HCRTR2: variants seen among roughly 807,000 people sequenced by gnomAD.
HCRTR2 encodes the protein hypocretin receptor 2, also known as orexin receptor type 2.
HCRTR2 carries 22 observed loss-of-function variants against 49.0 expected under a neutral mutation model. The observed-to-expected ratio is 0.45, with a 90% CI of 0.32 to 0.64. The LOEUF (loss-of-function observed/expected upper bound fraction) is 0.64, where lower values mean the gene tolerates loss of function less well. Ranked by LOEUF, HCRTR2 falls within the 30% of genes least tolerant of loss-of-function variation. HCRTR2 has a pLI of 0.04. For missense variants in HCRTR2, 491 were observed against 559.4 expected (o/e 0.88, Z 1.23); for synonymous variants, 236 against 205.3 (o/e 1.15, Z -1.28).
intron 1 of HCRTR2, among the ~76,000 whole-genome samples, chr6:55,151,133 C>T (rs958055401): frequency 6.6e-6 from 1 of 151,966 alleles, no homozygotes; most frequent in African/African-American, 2.4e-5. Context: ...TTGATGGTTG[C>T]TGACTTATGA....
At chr6:55,248,546 A>G (rs1025942621) in intron 1 of HCRTR2, 93 bp from the exon 2 acceptor site, 4 of 1,038,956 alleles carry the variant, frequency 3.9e-6, no homozygotes, top group Non-Finnish European at 6.0e-6. Flanking sequence ...TTTTAAATAC[A>G]TATTTGTGGA....
At chr6:55,172,734 TA>T (rs1694913986), upstream of HCRTR2, among the ~76,000 whole-genome samples, 1 of 151,468 alleles carries the variant, frequency 6.6e-6, no homozygotes, top group Admixed American at 6.6e-5. Context: ...AGGGGGTTAG[TA>T]ATAGCTAAGC....
intron 1 of HCRTR2, among the ~76,000 whole-genome samples, chr6:55,241,975 T>G (rs959284461): frequency 1.3e-5 from 2 of 150,376 alleles, no homozygotes; most frequent in Admixed American, 6.7e-5. Context: ...TTCAAGCGAT[T>G]CTCCTGCCTC....
downstream of HCRTR2, chr6:55,282,710 A>ATG (rs74278635): frequency 0.82 from 370,514 of 449,390 alleles, 154,126 homozygotes; most frequent in Middle Eastern, 0.92. Context: ...ATGTATTAAA[A>ATG]TGTGTCAATT....
intron 4 of HCRTR2, among the ~76,000 whole-genome samples, chr6:55,272,422 A>G (rs1312295867): frequency 6.6e-6 from 1 of 152,108 alleles, no homozygotes; most frequent in East Asian, 1.9e-4. Flanking sequence ...AATGTTCTAG[A>G]TTAGTTAGTG....
intron 1 of HCRTR2, among the ~76,000 whole-genome samples, chr6:55,243,438 G>A (rs1766371819): frequency 1.3e-5 from 2 of 152,126 alleles, no homozygotes; most frequent in South Asian, 4.2e-4. Flanking sequence ...ATGGCGAATT[G>A]AGAACCATAG....
At chr6:55,123,438 G>A (rs144490302) in intron 1 of HCRTR2, among the ~76,000 whole-genome samples, 117 of 152,128 alleles carry the variant, frequency 7.7e-4, no homozygotes, top group African/African-American at 2.6e-3. Context: ...TTACTGATTC[G>A]CTTATGTTGA....
intron 1 of HCRTR2, among the ~76,000 whole-genome samples, chr6:55,241,297 C>G (rs1207637378): frequency 6.6e-6 from 1 of 151,888 alleles, no homozygotes; most frequent in East Asian, 1.9e-4. Context: ...CTAGAAAATC[C>G]AACTTCAAAT....
chr6:55,164,010 A>G (rs556178319), intron 1 of HCRTR2, among the ~76,000 whole-genome samples: 21 of 152,326 alleles, frequency 1.4e-4, no homozygotes, highest in African/African-American at 5.1e-4. Context: ...GTGGCCAAGA[A>G]ACATACAAAA....
At chr6:55,167,091 T>G (rs1011567215) in intron 1 of HCRTR2, among the ~76,000 whole-genome samples, 10 of 152,146 alleles carry the variant, frequency 6.6e-5, no homozygotes, top group African/African-American at 2.4e-4. Context: ...CACAACATTG[T>G]GAATATACTA....
At chr6:55,262,452 ATTAT>A (rs1766779429) in intron 3 of HCRTR2, among the ~76,000 whole-genome samples, 1 of 131,396 alleles carries the variant, frequency 7.6e-6, no homozygotes, top group African/African-American at 2.9e-5. Context: ...ATTAATATAT[ATTAT>A]TTATATTATA....
At position 55,121,667 on chromosome 6, in the gene HCRTR2, T is replaced by C. The variant is rs141159649; in HGVS notation, c.-378+15122T>C. Among the ~76,000 whole-genome samples the C allele has an allele frequency of 5.8e-3, 881 of 152,280 alleles. 13 individuals carry two copies. Among genetic ancestry groups the C allele is most frequent in the African/African-American group, 0.021 (853 of 41,566 alleles). On this transcript the variant is annotated intron_variant, in intron 1 of 7. Coordinates refer to the HCRTR2 transcript ENST00000615358. ...CCTAACTTATTGAGAATTTTTAGCA[T>C]GAAAGGCTGTTGAATTTTGTCAAAG...
upstream of HCRTR2, among the ~76,000 whole-genome samples, chr6:55,173,251 G>A (rs1252719254): frequency 6.6e-6 from 1 of 152,140 alleles, no homozygotes; most frequent in Non-Finnish European, 1.5e-5. Flanking sequence ...TTGGTTTAAT[G>A]TAAGAAACAG....
rs75420498 is a variant in HCRTR2, at chr6:55,260,772, A to T, written c.647-2935A>T. 9.4e-3 allele frequency among the ~76,000 whole-genome samples: 1,435 copies of T among 152,310 alleles called. 26 individuals carry two copies. Among genetic ancestry groups the T allele is most frequent in the African/African-American group, 0.033 (1,353 of 41,566 alleles). On this transcript the variant is annotated intron_variant, in intron 3 of 6. Transcript: ENST00000370862. ...ATTAAACTCATAAATATGTTAAAAT[A>T]TATCCAGCAAGAATCAAATGCATGA...
intron 1 of HCRTR2, among the ~76,000 whole-genome samples, chr6:55,225,133 T>C (rs1009256179): frequency 1.3e-5 from 2 of 152,178 alleles, no homozygotes; most frequent in African/African-American, 4.8e-5. Flanking sequence ...CAATTTTTAT[T>C]TGTCAACTTA....
At chr6:55,117,199 A>G (rs1004463469) in intron 1 of HCRTR2, among the ~76,000 whole-genome samples, 1 of 151,878 alleles carries the variant, frequency 6.6e-6, no homozygotes, top group Non-Finnish European at 1.5e-5. Flanking sequence ...TGTGAGCAAT[A>G]CTTGAGTACA....
At chr6:55,116,718 A>G (rs1406573124) in intron 1 of HCRTR2, among the ~76,000 whole-genome samples, 1 of 150,694 alleles carries the variant, frequency 6.6e-6, no homozygotes, top group African/African-American at 2.4e-5. Context: ...AGAGAGAGAA[A>G]AAAAAAAAAA....
intron 1 of HCRTR2, among the ~76,000 whole-genome samples, chr6:55,218,528 T>C (rs752584984): frequency 1.3e-5 from 2 of 152,176 alleles, no homozygotes; most frequent in African/African-American, 2.4e-5. Context: ...CACTCCAAAT[T>C]TGTAGACACA....
intron 1 of HCRTR2, among the ~76,000 whole-genome samples, chr6:55,180,085 G>C (rs1765105079): frequency 6.6e-6 from 1 of 152,052 alleles, no homozygotes; most frequent in Non-Finnish European, 1.5e-5. Flanking sequence ...AATATTTATT[G>C]GGTACTATAT....
Sources: allele counts gnomAD v4.1 joint callset (sites outside exome capture counted in the v4.1 genomes callset), GRCh38; gene constraint gnomAD v4.1.1; transcripts MANE v1.5; gene names NCBI Gene and HGNC (gene_info 2026-07-23, HGNC 2026-07-21).